The following E2F2 variants were observed in gnomAD, a reference collection of about 807,000 sequenced individuals.
The protein encoded by E2F2 is E2F transcription factor 2.
Under a neutral mutation model 42.2 loss-of-function variants are expected in E2F2, and 22 were observed. The ratio of observed to expected loss-of-function variants is 0.52; its 90% CI spans 0.37 to 0.74. The LOEUF (loss-of-function observed/expected upper bound fraction) is 0.74, where lower values mean the gene tolerates loss of function less well. Ranked by LOEUF, E2F2 falls within the 30% of genes least tolerant of loss-of-function variation. The pLI is 0.00. For missense variants in E2F2, 481 were observed against 557.8 expected, an observed-to-expected ratio of 0.86 and a Z score of 1.39; for synonymous variants, 248 against 251.6, an observed-to-expected ratio of 0.99 and a Z score of 0.13.
intron 6 of E2F2, among the ~76,000 whole-genome samples, chr1:23,511,256 A>G (rs1642903216): frequency 6.6e-6 from 1 of 150,880 alleles, no homozygotes; most frequent in Non-Finnish European, 1.5e-5. Context: ...TTTTTTTTGA[A>G]ACAGGGTCTT....
chr1:23,530,908 C>G lies in E2F2; in HGVS notation c.-115G>C. On this transcript the variant is annotated 5_prime_UTR_variant, in exon 1 of 7. Transcript: ENST00000361729. This position sits in a 1 kb window ranked among gnomAD's most constrained non-coding sequence, Gnocchi z 4.4. ...GCATGGCGCGGAGGCCGGGGGAAGCCGCCAATGGACGCCTGCGGGGCAAGG... is the reference window on the plus strand; with the variant it reads ...GCATGGCGCGGAGGCCGGGGGAAGCGGCCAATGGACGCCTGCGGGGCAAGG... 1 of 1,295,042 alleles carries G rather than the reference C, an allele frequency of 7.7e-7. No individual in the cohort carries two copies. The highest frequency in any genetic ancestry group is 1.0e-6 in the Non-Finnish European group (1 of 987,406). 80.2% of individuals were successfully genotyped at this position (1,295,042 alleles called of 1,614,324 possible). A position where few individuals can be genotyped will look rare whatever the true frequency, so the allele number is the denominator to read the frequency against.
Position 23,530,727 on chromosome 1 carries a change from TCATCGC to T in E2F2, c.61_66del (p.Ala21_Met22del), listed in dbSNP as rs1643325907. 6.2e-7 allele frequency: 1 copy of T among 1,601,796 alleles called. No individual in the cohort carries two copies. Among genetic ancestry groups the T allele is most frequent in the African/African-American group, 1.3e-5 (1 of 74,758 alleles). ...CCGGATGGCCACAGCTCTGTGGGGCTCATCGCGGGCACCACCTTCGGGGTCTGCCCA... is the reference window on the plus strand; with the variant it reads ...CCGGATGGCCACAGCTCTGTGGGGCTGGGCACCACCTTCGGGGTCTGCCCA... On this transcript the variant is annotated inframe_deletion, in exon 1 of 7. Coordinates refer to ENST00000361729, the MANE Select transcript of E2F2 (RefSeq NM_004091.4). The surrounding 1 kb of genome is among the most constrained non-coding windows in gnomAD (Gnocchi z 4.4).
At chr1:23,527,656 G>C (rs1217731072) in intron 1 of E2F2, among the ~76,000 whole-genome samples, 2 of 152,226 alleles carry the variant, frequency 1.3e-5, no homozygotes, top group Non-Finnish European at 2.9e-5. Flanking sequence ...GTGGGGGTAG[G>C]AGCAAATGTA....
chr1:23,506,261 C>T (rs1217193361), downstream of E2F2, among the ~76,000 whole-genome samples: 2 of 152,064 alleles, frequency 1.3e-5, no homozygotes, highest in Non-Finnish European at 2.9e-5. Context: ...TTTTCAGTGC[C>T]TTAATGGTGA....
intron 4 of E2F2, among the ~76,000 whole-genome samples, chr1:23,520,064 G>C (rs910823447): frequency 7.0e-6 from 1 of 143,058 alleles, no homozygotes; most frequent in African/African-American, 2.6e-5. Context: ...GGCAGCAATA[G>C]TAAGACTCCA....
At chr1:23,521,504 TAGA>T (rs970276275) in intron 3 of E2F2, 32 of 980,744 alleles carry the variant, frequency 3.3e-5, no homozygotes, top group Middle Eastern at 5.2e-4. Flanking sequence ...TGCCCTAAGC[TAGA>T]AGAAGTGGAT....
At position 23,523,027 on chromosome 1, in the gene E2F2, GACAACTAAGGTTCACA is replaced by G. The variant is rs1424327153; in HGVS notation, c.359-987_359-972del. ...TCTAGCTGTGTCTTCTTTTACACAA[GACAACTAAGGTTCACA>G]ACAACTAAGGTTCACAGGAGTGACC... On this transcript the variant is annotated intron_variant, in intron 2 of 6. Coordinates refer to ENST00000361729, the MANE Select transcript of E2F2 (RefSeq NM_004091.4). Among the ~76,000 whole-genome samples, 10 of 152,142 alleles carry G rather than the reference GACAACTAAGGTTCACA, an allele frequency of 6.6e-5. No homozygotes were observed. The South Asian group carries it at 8.3e-4, about 13-fold the overall frequency.
rs772598051 is a variant in E2F2, at chr1:23,509,948, A to G, written c.1246T>C (p.Leu416=). The G allele has an allele frequency of 7.5e-6, 12 of 1,608,768 alleles. No individual in the cohort carries two copies. The South Asian group carries it at 1.2e-4, about 16-fold the overall frequency. The change falls in exon 7 of 7, where the codon TTG becomes CTG. Residue 416 remains leucine (L), a synonymous_variant. Coordinates refer to ENST00000361729, the MANE Select transcript of E2F2 (RefSeq NM_004091.4). The part of the protein sequence containing the change: ...SLDQDDYLWG[L]EAGEGISDLF... The stretch of plus-strand genomic sequence containing the variant: ...TCGCTGATGCCCTCACCCGCCTCCA[A>G]GCCCCACAGGTAGTCGTCCTGGTCC...
chr1:23,513,060 C>T (rs2148690268), intron 6 of E2F2, among the ~76,000 whole-genome samples: 1 of 151,976 alleles, frequency 6.6e-6, no homozygotes, highest in Admixed American at 6.6e-5. Context: ...TGATCCACCT[C>T]CCTCGGCCTC....
Position 23,516,368 on chromosome 1 carries a change from C to G in E2F2, c.1012G>C (p.Asp338His). 6.3e-7 allele frequency: 1 copy of G among 1,577,904 alleles called. No individual in the cohort carries two copies. Among genetic ancestry groups the G allele is most frequent in the African/African-American group, 1.4e-5 (1 of 72,630 alleles). ...PDSAQPSSST[D>H]PSIMEPTASS... ...GCTGTGGGCTCCATGATGCTAGGGTCGGTGCTGCTGCTGGGCTGGGCAGAG... is the reference window on the plus strand; with the variant it reads ...GCTGTGGGCTCCATGATGCTAGGGTGGGTGCTGCTGCTGGGCTGGGCAGAG... Residue 338 changes from aspartate (D) to histidine (H), a missense_variant, in exon 6 of 7, where the codon GAC becomes CAC. Physicochemically the swap from Asp to His is moderately conservative, Grantham distance 81 (BLOSUM62 -1). Coordinates refer to ENST00000361729, the MANE Select transcript of E2F2 (RefSeq NM_004091.4).
At chr1:23,517,924 C>A (rs978386692) in intron 5 of E2F2, among the ~76,000 whole-genome samples, 1 of 152,206 alleles carries the variant, frequency 6.6e-6, no homozygotes, top group Non-Finnish European at 1.5e-5. Flanking sequence ...AATCCCAGCA[C>A]TTTGGGAGGC....
rs775904316 is a variant in E2F2 at position 23,516,468 on chromosome 1, T to C, written c.912A>G (p.Pro304=). 2.5e-6 allele frequency: 4 copies of C among 1,610,088 alleles called. No individual in the cohort carries two copies. The highest frequency in any genetic ancestry group is 1.7e-4 in the Middle Eastern group (1 of 6,040). ...TQGPIEVYLC[P]EEVQEPDSPS... ...GACTGTCCGGCTCCTGCACCTCCTC[T>C]GGGCACAGGTAGACTTCGATGGGCC... Residue 304 remains proline, a synonymous_variant, in exon 6 of 7, where the codon CCA becomes CCG. Coordinates refer to ENST00000361729, the MANE Select transcript of E2F2 (RefSeq NM_004091.4).
downstream of E2F2, among the ~76,000 whole-genome samples, chr1:23,505,633 C>T (rs954351348): frequency 1.3e-5 from 2 of 152,172 alleles, no homozygotes; most frequent in African/African-American, 4.8e-5. Flanking sequence ...CTGACTCAGC[C>T]TCCTGAGTAG....
At chr1:23,528,395 C>T (rs913345535) in intron 1 of E2F2, among the ~76,000 whole-genome samples, 5 of 152,176 alleles carry the variant, frequency 3.3e-5, no homozygotes, top group African/African-American at 7.2e-5. Flanking sequence ...TTCCAGGTCA[C>T]GCCCTTGTAA....
chr1:23,517,569 T>C (rs1458816694), intron 5 of E2F2, among the ~76,000 whole-genome samples: 1 of 152,184 alleles, frequency 6.6e-6, no homozygotes, highest in Non-Finnish European at 1.5e-5. Context: ...TTAAATAAAT[T>C]ATTTCTTGAG....
chr1:23,514,225 G>A (rs1218184755), intron 6 of E2F2, among the ~76,000 whole-genome samples: 2 of 152,152 alleles, frequency 1.3e-5, no homozygotes, highest in African/African-American at 4.8e-5. Context: ...TTCCAGCTTC[G>A]GAGGGCTATG....
At position 23,530,802 on chromosome 1, in the gene E2F2, A is replaced by G. The variant is rs1643328384; in HGVS notation, c.-9T>C. 6.7e-7 allele frequency: 1 copy of G among 1,503,008 alleles called. No individual in the cohort carries two copies. Among genetic ancestry groups the G allele is most frequent in the African/African-American group, 1.4e-5 (1 of 71,858 alleles). 93.1% of individuals were successfully genotyped at this position (1,503,008 alleles called of 1,614,324 possible). On this transcript the variant is annotated 5_prime_UTR_variant, in exon 1 of 7. Transcript: ENST00000361729. The surrounding 1 kb of genome is among the most constrained non-coding windows in gnomAD (Gnocchi z 4.4). ...CGGGGCCCTTGCAGCATAGCGAGTA[A>G]GGCGCCCCCTACCCAAAAGGGCTTG... is the stretch of plus-strand genomic sequence containing the variant.
In E2F2 at chr1:23,507,577, ACT is replaced by A. The variant is rs916041799; in HGVS notation, c.*2301_*2302del. The A allele has an allele frequency of 3.9e-5, 6 of 152,076 alleles. No individual in the cohort carries two copies. The highest frequency in any genetic ancestry group is 1.2e-4 in the African/African-American group (5 of 41,376). 9.4% of individuals were successfully genotyped at this position (152,076 alleles called of 1,614,324 possible). A position where few individuals can be genotyped will look rare whatever the true frequency, so the allele number is the denominator to read the frequency against. On this transcript the variant is annotated 3_prime_UTR_variant, in exon 7 of 7. Transcript: ENST00000361729. ...TACCACTCAAAATGTGTCCTGAAGC[ACT>A]CTGTGGAAGTCGGGAGGCTTCAAGT...
Position 23,521,628 on chromosome 1 carries a change from G to A in E2F2, c.578+209C>T, listed in dbSNP as rs901008913. The A allele has an allele frequency of 3.1e-6, 3 of 983,222 alleles. No individual in the cohort carries two copies. In the African/African-American group the frequency reaches 5.3e-5, roughly 17 times the overall value. 60.9% of individuals were successfully genotyped at this position (983,222 alleles called of 1,614,324 possible). On this transcript the variant is annotated intron_variant, in intron 3 of 6. Coordinates refer to ENST00000361729, the MANE Select transcript of E2F2 (RefSeq NM_004091.4). ...ATCACGTTCTCCGATTACTTCAGCA[G>A]GTACACGGCGCTCTTCCTCACCATA...
Sources: gnomAD v4.1 joint callset for allele counts (sites outside exome capture counted in the v4.1 genomes callset) on GRCh38, gnomAD v4.1.1 for gene constraint, Gnocchi (gnomAD v3.1) non-coding constraint, MANE v1.5 for transcripts, NCBI Gene and HGNC (gene_info 2026-07-23, HGNC 2026-07-21) for gene names.